MSRA: variants seen among roughly 807,000 people sequenced by gnomAD.
MSRA encodes mitochondrial peptide methionine sulfoxide reductase.
In MSRA, 54 loss-of-function variants were observed where a neutral mutation model predicts 31.3. That is an observed-to-expected ratio of 1.73 (90% CI 1.39 to 2.17). The LOEUF is 2.17. Among genes scored for constraint, MSRA ranks in the 30% most tolerant of loss-of-function variants. The probability of loss-of-function intolerance (pLI) is 0.00; values close to 1 mark genes in which losing one functional copy is unlikely to be tolerated. For missense variants in MSRA, 507 were observed against 300.9 expected, an observed-to-expected ratio of 1.69 and a Z score of -5.07; for synonymous variants, 169 against 116.5, an observed-to-expected ratio of 1.45 and a Z score of -2.90.
intron 5 of MSRA, among the ~76,000 whole-genome samples, chr8:10,354,627 A>C (rs180949622): frequency 4.1e-4 from 63 of 152,176 alleles, no homozygotes; most frequent in African/African-American, 1.5e-3. Flanking sequence ...ATCAGATTAG[A>C]ATGATTACAA....
At chr8:10,111,229 G>C (rs1381483891) in intron 1 of MSRA, among the ~76,000 whole-genome samples, 3 of 152,150 alleles carry the variant, frequency 2.0e-5, no homozygotes, top group African/African-American at 7.2e-5. Flanking sequence ...TGAATGTATG[G>C]AGAATGATGT....
intron 4 of MSRA, among the ~76,000 whole-genome samples, chr8:10,318,356 G>A (rs575203531): frequency 6.6e-6 from 1 of 152,276 alleles, no homozygotes; most frequent in South Asian, 2.1e-4. Context: ...GGGAAGTACA[G>A]TGTCAGGCTC....
At chr8:10,260,186 T>C (rs1798399133) in intron 3 of MSRA, among the ~76,000 whole-genome samples, 1 of 152,252 alleles carries the variant, frequency 6.6e-6, no homozygotes, top group African/African-American at 2.4e-5. Flanking sequence ...GAGCCATTGA[T>C]GCAGGAGGCT....
intron 5 of MSRA, among the ~76,000 whole-genome samples, chr8:10,366,682 C>T (rs1190479535): frequency 6.6e-6 from 1 of 152,190 alleles, no homozygotes; most frequent in Non-Finnish European, 1.5e-5. Context: ...CTACACTGGC[C>T]AGGCTTCGTT....
At chr8:10,139,811 A>G (rs973797459) in intron 1 of MSRA, among the ~76,000 whole-genome samples, 1 of 152,204 alleles carries the variant, frequency 6.6e-6, no homozygotes, top group African/African-American at 2.4e-5. Flanking sequence ...GCTATTGTGA[A>G]TAGTGATTGG....
intron 1 of MSRA, among the ~76,000 whole-genome samples, chr8:10,149,554 TC>T (rs1293057340): frequency 6.6e-6 from 1 of 152,118 alleles, no homozygotes; most frequent in Non-Finnish European, 1.5e-5. Context: ...CTTGCCAATT[TC>T]CCCTTTTTGC....
At chr8:10,076,052 C>T (rs570849988) in intron 1 of MSRA, among the ~76,000 whole-genome samples, 4 of 152,044 alleles carry the variant, frequency 2.6e-5, no homozygotes, top group Non-Finnish European at 5.9e-5. Context: ...AGGGACTTCA[C>T]GTCTGGACTG....
At chr8:10,408,904 T>A (rs1807986757) in intron 5 of MSRA, among the ~76,000 whole-genome samples, 1 of 152,262 alleles carries the variant, frequency 6.6e-6, no homozygotes, top group South Asian at 2.1e-4. Context: ...GATTGTCTTC[T>A]TTTTAATGGC....
chr8:10,417,242 C>A (rs1461140192), intron 5 of MSRA, among the ~76,000 whole-genome samples: 1 of 152,234 alleles, frequency 6.6e-6, no homozygotes, highest in South Asian at 2.1e-4. Context: ...GGCTTCAGCC[C>A]CTTTGAACGC....
At chr8:10,427,093 A>G (rs528971692) in intron 5 of MSRA, among the ~76,000 whole-genome samples, 1 of 152,316 alleles carries the variant, frequency 6.6e-6, no homozygotes, top group Non-Finnish European at 1.5e-5. Context: ...TGTGCTTGGC[A>G]GACTTGAAGA....
intron 1 of MSRA, among the ~76,000 whole-genome samples, chr8:10,090,486 G>T (rs1383061383): frequency 1.3e-5 from 2 of 152,188 alleles, no homozygotes; most frequent in Non-Finnish European, 2.9e-5. Flanking sequence ...ATCTTGGGTT[G>T]TAACAGCCGT....
At chr8:10,248,706 A>G (rs534141068) in intron 3 of MSRA, among the ~76,000 whole-genome samples, 41 of 152,358 alleles carry the variant, frequency 2.7e-4, no homozygotes, top group Admixed American at 2.4e-3. Context: ...AGGCATATAG[A>G]AAAGATAACA....
At chr8:10,256,592 A>G (rs1027126482) in intron 3 of MSRA, among the ~76,000 whole-genome samples, 1 of 152,100 alleles carries the variant, frequency 6.6e-6, no homozygotes, top group Non-Finnish European at 1.5e-5. Context: ...TTAACATTGA[A>G]ACTTACTTTT....
chr8:10,130,571 G>T (rs1043335105), intron 1 of MSRA, among the ~76,000 whole-genome samples: 1 of 152,078 alleles, frequency 6.6e-6, no homozygotes, highest in African/African-American at 2.4e-5. Flanking sequence ...TAGGCTTTGT[G>T]GACAAGACAT....
intron 2 of MSRA, among the ~76,000 whole-genome samples, chr8:10,235,635 T>C (rs149228356): frequency 1.3e-5 from 2 of 152,172 alleles, no homozygotes; most frequent in South Asian, 2.1e-4. Context: ...AAGAGAGATA[T>C]AAAAATATGA....
intron 1 of MSRA, among the ~76,000 whole-genome samples, chr8:10,103,176 A>G (rs1799648923): frequency 6.6e-6 from 1 of 152,200 alleles, no homozygotes; most frequent in Non-Finnish European, 1.5e-5. Flanking sequence ...TTGGTTATTA[A>G]CATGCGAGGT....
chr8:10,231,546 G>A (rs758371617), intron 2 of MSRA, among the ~76,000 whole-genome samples: 92 of 152,312 alleles, frequency 6.0e-4, no homozygotes, highest in Middle Eastern at 3.4e-3. Flanking sequence ...TTGACATCTC[G>A]ATTTAAGTCA....
intron 1 of MSRA, among the ~76,000 whole-genome samples, chr8:10,103,991 G>C (rs530275485): frequency 6.6e-6 from 1 of 152,090 alleles, no homozygotes; most frequent in Admixed American, 6.5e-5. Context: ...TAAAAACTTT[G>C]ATAAAATATT....
intron 1 of MSRA, among the ~76,000 whole-genome samples, chr8:10,059,270 A>C (rs2128911253): frequency 6.6e-6 from 1 of 152,346 alleles, no homozygotes; most frequent in Middle Eastern, 3.4e-3. Context: ...CACACTTGTT[A>C]AGTGTCTTGT....
Sources: gnomAD v4.1 joint callset for allele counts (sites outside exome capture counted in the v4.1 genomes callset) on GRCh38, gnomAD v4.1.1 for gene constraint, MANE v1.5 for transcripts, NCBI Gene and HGNC (gene_info 2026-07-23, HGNC 2026-07-21) for gene names.